Variants in FAM8A1 observed in about 807,000 individuals in gnomAD.
The protein encoded by FAM8A1 is protein FAM8A1.
In FAM8A1, 18 loss-of-function variants were observed where a neutral mutation model predicts 38.3. The ratio of observed to expected loss-of-function variants is 0.47; its 90% confidence interval spans 0.33 to 0.70. The LOEUF is 0.70. FAM8A1 is among the 30% of genes least tolerant of loss of function. The pLI is 0.03. For missense variants in FAM8A1, 559 were observed against 559.6 expected (o/e 1.00, Z 0.01); for synonymous variants, 246 against 234.4 (o/e 1.05, Z -0.45).
At chr6:17,602,227 C>G (rs1384377642) in intron 1 of FAM8A1, among the ~76,000 whole-genome samples, 1 of 152,228 alleles carries the variant, frequency 6.6e-6, no homozygotes, top group African/African-American at 2.4e-5. Flanking sequence ...GACGGGGTTT[C>G]GCCATGTTGG....
chr6:17,603,922 A>G (rs917238865), intron 2 of FAM8A1, among the ~76,000 whole-genome samples: 7 of 151,486 alleles, frequency 4.6e-5, no homozygotes, highest in Non-Finnish European at 1.0e-4. Context: ...TACTCCGATT[A>G]CTGTCGTCTC....
rs61736671 is a variant in FAM8A1, at chr6:17,600,982, C to T, written c.573C>T (p.Ala191=). ...GAAGPDPRTA[A]GISTPAPVAG... is the part of the protein sequence containing the mutation. ...CGGGGCCTGACCCGCGGACAGCTGCCGGCATCAGCACCCCTGCTCCAGTCG... is the reference window on the plus strand; with the variant it reads ...CGGGGCCTGACCCGCGGACAGCTGCTGGCATCAGCACCCCTGCTCCAGTCG... The change falls in exon 1 of 5, where the codon GCC becomes GCT. Residue 191 remains alanine, a synonymous_variant. Transcript: ENST00000259963. 0.021 allele frequency: 33,475 copies of T among 1,592,970 alleles called. 425 individuals carry two copies. Among genetic ancestry groups the T allele is most frequent in the Middle Eastern group, 0.051 (297 of 5,814 alleles).
intron 2 of FAM8A1, 65 bp from the exon 3 acceptor site, chr6:17,604,841 A>G: frequency 7.3e-7 from 1 of 1,362,488 alleles, no homozygotes. Context: ...CACTAATGAA[A>G]AAAAAGTCAG....
In FAM8A1 at chr6:17,609,261, TTC is replaced by T. The variant is rs1764102539; in HGVS notation, c.*925_*926del. ...AAGAAAGTATTAGTGCTTCTCAGTG[TTC>T]TCAGTGTAAATTCTATTTATATACA... On this transcript the variant is annotated 3_prime_UTR_variant, in exon 5 of 5. Transcript: ENST00000259963. 1.3e-5 allele frequency: 2 copies of T among 152,214 alleles called. No homozygotes were observed. The highest frequency in any genetic ancestry group is 2.4e-5 in the African/African-American group (1 of 41,450). 9.4% of individuals were successfully genotyped at this position (152,214 alleles called of 1,614,324 possible).
rs1248511027 is a variant in FAM8A1, at chr6:17,607,141, C to A, written c.1098-1054C>A. 2.0e-5 allele frequency among the ~76,000 whole-genome samples: 3 copies of A among 151,672 alleles called. No homozygotes were observed. In the East Asian group the frequency reaches 5.8e-4, roughly 29 times the overall value. On this transcript the variant is annotated intron_variant, in intron 4 of 4. Coordinates refer to ENST00000259963, the MANE Select transcript of FAM8A1 (RefSeq NM_016255.3). ...CGGGCGTGGTGGCGGGCCCTGTAGT[C>A]CCAGCTACTCAGGAGGCTGAGGCAG...
At chr6:17,606,828 G>A (rs149184296) in intron 4 of FAM8A1, among the ~76,000 whole-genome samples, 35 of 152,302 alleles carry the variant, frequency 2.3e-4, no homozygotes, top group African/African-American at 8.2e-4. Flanking sequence ...GGAGGTCAGT[G>A]GCTGGTAGTC....
At position 17,600,340 on chromosome 6, in the gene FAM8A1, T is replaced by TGGGGAGGGGCCATTG; in HGVS notation, c.-61_-47dup. 1 of 1,320,714 alleles carries TGGGGAGGGGCCATTG rather than the reference T, an allele frequency of 7.6e-7. No homozygotes were observed. Among genetic ancestry groups the TGGGGAGGGGCCATTG allele is most frequent in the South Asian group, 2.2e-5 (1 of 46,446 alleles). The allele number at this position is 1,320,714 out of a possible 1,614,324, so 81.8% of individuals were successfully genotyped here. ...GTTGCTGCGGTGGTGACGGGGCTGT[T>TGGGGAGGGGCCATTG]GGGGAGGGGCCATTGGGGGAGGGAA... is the stretch of plus-strand genomic sequence containing the variant. On this transcript the variant is annotated 5_prime_UTR_variant, in exon 1 of 5. Coordinates refer to ENST00000259963, the MANE Select transcript of FAM8A1 (RefSeq NM_016255.3).
rs996319914 is a variant in FAM8A1 at position 17,610,276 on chromosome 6, GATT to G, written c.*1941_*1943del. Reference sequence around the variant, plus strand: ...AGATAATTGAATAGTTTGCCATCGAGATTATTTTCATTTATACTATAAAACAAA... The same window carrying G: ...AGATAATTGAATAGTTTGCCATCGAGATTTTCATTTATACTATAAAACAAA... On this transcript the variant is annotated 3_prime_UTR_variant, in exon 5 of 5. Coordinates refer to ENST00000259963, the MANE Select transcript of FAM8A1 (RefSeq NM_016255.3). 3.3e-5 allele frequency: 5 copies of G among 151,974 alleles called. No individual in the cohort carries two copies. The highest frequency in any genetic ancestry group is 4.8e-5 in the African/African-American group (2 of 41,376). 9.4% of individuals were successfully genotyped at this position (151,974 alleles called of 1,614,324 possible). A position where few individuals can be genotyped will look rare whatever the true frequency, so the allele number is the denominator to read the frequency against.
chr6:17,607,464 GTCTC>G (rs202018007), intron 4 of FAM8A1, among the ~76,000 whole-genome samples: 34 of 25,246 alleles, frequency 1.3e-3, no homozygotes, highest in African/African-American at 3.2e-3. Flanking sequence ...ACTATAGGTA[GTCTC>G]TATCTATATA....
chr6:17,602,550 G>A (rs773863992), intron 1 of FAM8A1, 40 bp from the exon 2 acceptor site: 93 of 1,568,538 alleles, frequency 5.9e-5, no homozygotes, highest in Admixed American at 1.4e-4. Context: ...TATGTGAAAT[G>A]ATTCGTTTTT....
chr6:17,601,066 G>T lies in FAM8A1; in HGVS notation c.657G>T (p.Thr219=), dbSNP rs190465234. ...VQASVRATPV[T]RVGSAAPSRS... Reference sequence around the variant, plus strand: ...CGTCGGTCCGGGCCACTCCAGTGACGAGGGTAGGATCCGCAGCCCCTTCGC... The same window carrying T: ...CGTCGGTCCGGGCCACTCCAGTGACTAGGGTAGGATCCGCAGCCCCTTCGC... Residue 219 remains threonine, a synonymous_variant, in exon 1 of 5, where the codon ACG becomes ACT. Coordinates refer to ENST00000259963, the MANE Select transcript of FAM8A1 (RefSeq NM_016255.3). 1,458 of 1,598,768 alleles carry T rather than the reference G, an allele frequency of 9.1e-4. 5 individuals are homozygous for T. Among genetic ancestry groups the T allele is most frequent in the Non-Finnish European group, 1.2e-3 (1,419 of 1,175,228 alleles).
intron 1 of FAM8A1, 32 bp downstream of exon 1, chr6:17,601,153 T>A: frequency 6.4e-7 from 1 of 1,559,396 alleles, no homozygotes. Context: ...CTGGGCGGAG[T>A]AGAAGGGTTT....
Position 17,608,456 on chromosome 6 carries a change from T to C in FAM8A1, c.*117T>C, listed in dbSNP as rs1764089230. The C allele has an allele frequency of 1.8e-6, 2 of 1,112,616 alleles. No individual in the cohort carries two copies. The highest frequency in any genetic ancestry group is 2.5e-6 in the Non-Finnish European group (2 of 806,422). 68.9% of individuals were successfully genotyped at this position (1,112,616 alleles called of 1,614,324 possible). A position where few individuals can be genotyped will look rare whatever the true frequency, so the allele number is the denominator to read the frequency against. Reference sequence around the variant, plus strand: ...AATTAAAGCAGTCACTCCAGTGTGATGCAGGTGACTACTCTGAAAGTATTG... The same window carrying C: ...AATTAAAGCAGTCACTCCAGTGTGACGCAGGTGACTACTCTGAAAGTATTG... On this transcript the variant is annotated 3_prime_UTR_variant, in exon 5 of 5. Coordinates refer to ENST00000259963, the MANE Select transcript of FAM8A1 (RefSeq NM_016255.3).
chr6:17,605,703 C>T (rs1386231293), intron 3 of FAM8A1, among the ~76,000 whole-genome samples, 171 bp from the exon 4 acceptor site: 1 of 152,180 alleles, frequency 6.6e-6, no homozygotes, highest in Non-Finnish European at 1.5e-5. Flanking sequence ...TGGTATTGGA[C>T]ATGTTAGAGA....
Position 17,601,094 on chromosome 6 carries a change from A to T in FAM8A1, c.685A>T (p.Ser229Cys). ...GGTAGGATCCGCAGCCCCTTCGCGA[A>T]GCCCGAGCGAGACCGGGCGACAGGC... ...TRVGSAAPSR[S>C]PSETGRQAGR... The change falls in exon 1 of 5, where the codon AGC becomes TGC. Residue 229 changes from serine (S) to cysteine (C), a missense_variant. Transcript: ENST00000259963. 1.9e-6 allele frequency: 3 copies of T among 1,597,190 alleles called. No homozygotes were observed. The South Asian group carries it at 3.4e-5, about 18-fold the overall frequency.
At chr6:17,607,443 TATC>T (rs888908391) in intron 4 of FAM8A1, among the ~76,000 whole-genome samples, 7 of 150,994 alleles carry the variant, frequency 4.6e-5, no homozygotes, top group African/African-American at 1.7e-4. Context: ...ATATCTATAG[TATC>T]ATAAGATACT....
Position 17,600,732 on chromosome 6 carries a change from T to C in FAM8A1, c.323T>C (p.Leu108Pro), listed in dbSNP as rs774811120. ...AAAPRERPAR[L>P]SAREYSRQVH... is the part of the protein sequence containing the mutation. ...GCGCCACGAGAGAGACCAGCTCGGC[T>C]GAGCGCCCGCGAGTACTCCCGGCAA... The change falls in exon 1 of 5, where the codon CTG (leucine) becomes CCG (proline). Residue 108 changes from leucine to proline, a missense_variant. Leu to Pro is a moderately conservative substitution (Grantham distance 98). Transcript: ENST00000259963. The C allele has an allele frequency of 1.3e-6, 2 of 1,575,198 alleles. No homozygotes were observed. The highest frequency in any genetic ancestry group is 1.7e-6 in the Non-Finnish European group (2 of 1,162,346).
rs1764118683 is a variant in FAM8A1, at chr6:17,610,131, C to T, written c.*1792C>T. 6.6e-6 allele frequency: 1 copy of T among 152,014 alleles called. No homozygotes were observed. The highest frequency in any genetic ancestry group is 1.5e-5 in the Non-Finnish European group (1 of 67,962). The allele number at this position is 152,014 out of a possible 1,614,324, so 9.4% of individuals were successfully genotyped here. On this transcript the variant is annotated 3_prime_UTR_variant, in exon 5 of 5. Coordinates refer to ENST00000259963, the MANE Select transcript of FAM8A1 (RefSeq NM_016255.3). ...TTAGGAGATGTTACGTAACTTGGCA[C>T]TTTAGTAGTGTATACACTAGCATTA...
At chr6:17,601,164 TC>T in intron 1 of FAM8A1, 43 bp downstream of exon 1, 1 of 1,549,776 alleles carries the variant, frequency 6.5e-7, no homozygotes. Context: ...AGAAGGGTTT[TC>T]GGGGGCCTGT....
Sources: allele counts gnomAD v4.1 joint callset (sites outside exome capture counted in the v4.1 genomes callset), GRCh38; gene constraint gnomAD v4.1.1; transcripts MANE v1.5; gene names NCBI Gene and HGNC (gene_info 2026-07-23, HGNC 2026-07-21).